CAST: variants seen among roughly 807,000 people sequenced by gnomAD.
CAST encodes the protein MIR583 host.
In CAST, 76 loss-of-function variants were observed where a neutral mutation model predicts 119.6. The observed-to-expected ratio is 0.64, with a 90% CI of 0.53 to 0.77. CAST has a LOEUF of 0.77. CAST is among the 30% of genes least tolerant of loss of function. The pLI, the probability that CAST is intolerant of heterozygous loss-of-function variation, is 0.00. For synonymous variants in CAST, 319 were observed against 331.6 expected, an observed-to-expected ratio of 0.96 and a Z score of 0.41; for missense variants, 953 against 946.5, an observed-to-expected ratio of 1.01 and a Z score of -0.09.
chr5:96,735,787 T>C (rs570089845), intron 9 of CAST, among the ~76,000 whole-genome samples: 78 of 152,306 alleles, frequency 5.1e-4, no homozygotes, highest in African/African-American at 1.8e-3. Flanking sequence ...TCTTGATGTG[T>C]GGGGGCAAAG....
chr5:95,979,147 G>A, the CAST span, among the ~76,000 whole-genome samples: 1 of 151,848 alleles, frequency 6.6e-6, no homozygotes, highest in Non-Finnish European at 1.5e-5. Context: ...AGACAAACTG[G>A]GAAAATACAG....
At chr5:96,585,521 A>G (rs933098046) in intron 1 of CAST, among the ~76,000 whole-genome samples, 1 of 152,188 alleles carries the variant, frequency 6.6e-6, no homozygotes, top group Non-Finnish European at 1.5e-5. Flanking sequence ...TTGCTTTAAT[A>G]TTATACCATA....
Position 96,754,139 on chromosome 5 carries a change from A to G in CAST, c.1604A>G (p.Lys535Arg). The G allele has an allele frequency of 6.2e-7, 1 of 1,611,102 alleles. No individual in the cohort carries two copies. The highest frequency in any genetic ancestry group is 8.5e-7 in the Non-Finnish European group (1 of 1,177,232). The change falls in exon 21 of 32, where the codon AAA becomes AGA. Residue 535 changes from lysine to arginine, a missense_variant. Physicochemically the swap from Lys to Arg is conservative, Grantham distance 26. Transcript: ENST00000675179. ...AAGGAAGCAGATCCAGAAGATGGAA[A>G]ACCTGTGATGGATAAAGTCAAGGTA... ...GKKEADPEDG[K>R]PVMDKVKEKA...
At chr5:96,544,526 A>G (rs1580817682) in intron 1 of CAST, among the ~76,000 whole-genome samples, 1 of 152,182 alleles carries the variant, frequency 6.6e-6, no homozygotes, top group South Asian at 2.1e-4. Flanking sequence ...TTCCTGTACT[A>G]TCTGTGAAGT....
At chr5:96,659,116 T>C (rs1451682341), upstream of CAST, among the ~76,000 whole-genome samples, 9 of 152,234 alleles carry the variant, frequency 5.9e-5, no homozygotes, top group Admixed American at 5.9e-4. Flanking sequence ...GGGTGCACTA[T>C]GTGGTGCCCC....
chr5:96,459,249 T>C, the CAST span, among the ~76,000 whole-genome samples: 32 of 152,304 alleles, frequency 2.1e-4, 1 homozygote, highest in Middle Eastern at 3.4e-3. Context: ...TGCTCCCGTC[T>C]TGGCAATACG....
At position 96,664,114 on chromosome 5, in the gene CAST, C is replaced by T. The variant is rs190214784; in HGVS notation, c.75+1617C>T. On this transcript the variant is annotated intron_variant, in intron 1 of 31. Coordinates refer to ENST00000675179, the MANE Select transcript of CAST (RefSeq NM_001750.7). ...ATCAGACATTCTTTGGAGCTAGCTA[C>T]CCTGTATAAGAATCAAGAAAGAAAC... is the stretch of plus-strand genomic sequence containing the variant. Among the ~76,000 whole-genome samples, 135 of 152,130 alleles carry T rather than the reference C, an allele frequency of 8.9e-4. 1 individual carries two copies. Among genetic ancestry groups the T allele is most frequent in the African/African-American group, 3.0e-3 (125 of 41,506 alleles).
the CAST span, among the ~76,000 whole-genome samples, chr5:96,265,366 C>T: frequency 6.6e-6 from 1 of 151,876 alleles, no homozygotes; most frequent in Non-Finnish European, 1.5e-5. Context: ...TAAATTCCTT[C>T]TATAAGGAAT....
intron 3 of CAST, among the ~76,000 whole-genome samples, chr5:96,713,130 T>G (rs924284569): frequency 4.0e-5 from 5 of 126,144 alleles, no homozygotes; most frequent in African/African-American, 1.4e-4. Context: ...CCTCAGAATT[T>G]CTCTTTTTTT....
the CAST span, among the ~76,000 whole-genome samples, chr5:96,464,854 C>T: frequency 6.6e-6 from 1 of 152,052 alleles, no homozygotes; most frequent in Non-Finnish European, 1.5e-5. Context: ...ACAGCAAGTG[C>T]TCCCAAGTTG....
the CAST span, among the ~76,000 whole-genome samples, chr5:96,315,243 A>T: frequency 6.6e-6 from 1 of 152,240 alleles, no homozygotes; most frequent in Non-Finnish European, 1.5e-5. Context: ...CCCATGCAAT[A>T]TTTGAGACAT....
the CAST span, among the ~76,000 whole-genome samples, chr5:96,202,927 GATA>G: frequency 6.6e-6 from 1 of 151,904 alleles, no homozygotes; most frequent in African/African-American, 2.4e-5. Flanking sequence ...TTATTTTAAA[GATA>G]ATAATTTTTA....
chr5:96,660,169 T>C (rs1748235005), upstream of CAST, among the ~76,000 whole-genome samples: 1 of 152,130 alleles, frequency 6.6e-6, no homozygotes, highest in South Asian at 2.1e-4. Context: ...GTGAGTGGGT[T>C]CCTCTTTATC....
the CAST span, among the ~76,000 whole-genome samples, chr5:95,966,523 C>A: frequency 6.6e-6 from 1 of 152,088 alleles, no homozygotes; most frequent in Non-Finnish European, 1.5e-5. Flanking sequence ...TACCTGTACA[C>A]TTTCTTAGTC....
At chr5:96,128,368 G>A in the CAST span, among the ~76,000 whole-genome samples, 2 of 152,116 alleles carry the variant, frequency 1.3e-5, no homozygotes, top group African/African-American at 4.8e-5. Flanking sequence ...TGTTTCCTCG[G>A]CCCTGGACTC....
intron 1 of CAST, among the ~76,000 whole-genome samples, chr5:96,564,322 C>A (rs969383775): frequency 1.3e-5 from 2 of 152,098 alleles, no homozygotes; most frequent in Non-Finnish European, 2.9e-5. Context: ...ATATCGATTC[C>A]AGAAAAAAGG....
At chr5:96,252,111 A>G in the CAST span, among the ~76,000 whole-genome samples, 8 of 152,152 alleles carry the variant, frequency 5.3e-5, no homozygotes, top group Admixed American at 3.9e-4. Flanking sequence ...TTTATCTGAC[A>G]GTCACTGGAG....
At chr5:96,053,400 C>T in the CAST span, among the ~76,000 whole-genome samples, 1 of 152,122 alleles carries the variant, frequency 6.6e-6, no homozygotes, top group African/African-American at 2.4e-5. Context: ...CTTTTGGCAC[C>T]TTATCTCCTA....
At chr5:96,516,603 A>G in the CAST span, among the ~76,000 whole-genome samples, 1 of 152,170 alleles carries the variant, frequency 6.6e-6, no homozygotes, top group Non-Finnish European at 1.5e-5. Flanking sequence ...TTTAAAGAAG[A>G]AATGCAATTA....
Sources: allele counts gnomAD v4.1 joint callset (sites outside exome capture counted in the v4.1 genomes callset), GRCh38; gene constraint gnomAD v4.1.1; transcripts MANE v1.5; gene names NCBI Gene and HGNC (gene_info 2026-07-23, HGNC 2026-07-21).